AGBL1: variants seen among roughly 807,000 people sequenced by gnomAD.
The protein encoded by AGBL1 is AGBL carboxypeptidase 1.
Under a neutral mutation model 118.9 loss-of-function variants are expected in AGBL1, and 130 were observed. The observed-to-expected ratio is 1.09, with a 90% confidence interval of 0.95 to 1.26. The LOEUF (loss-of-function observed/expected upper bound fraction) is 1.26, where lower values mean the gene tolerates loss of function less well. AGBL1 is among the 50% of genes most tolerant of loss of function. The pLI is 0.00. For synonymous variants in AGBL1, 555 were observed against 478.9 expected (o/e 1.16, Z -2.08); for missense variants, 1,584 against 1,298.1 (o/e 1.22, Z -3.38).
chr15:86,624,795 G>T (rs1220560551), intron 21 of AGBL1, among the ~76,000 whole-genome samples: 2 of 152,148 alleles, frequency 1.3e-5, no homozygotes, highest in East Asian at 3.9e-4. Context: ...AACTCAGGAG[G>T]GAGACAAGGT....
In AGBL1 at chr15:86,613,805, C is replaced by G. The variant is rs1471986448; in HGVS notation, c.2994+59268C>G. Among the ~76,000 whole-genome samples the G allele has an allele frequency of 2.0e-5, 3 of 152,176 alleles. No homozygotes were observed. The highest frequency in any genetic ancestry group is 2.9e-5 in the Non-Finnish European group (2 of 68,036). On this transcript the variant is annotated intron_variant, in intron 21 of 22. Coordinates refer to ENST00000614907, the MANE Select transcript of AGBL1 (RefSeq NM_001386094.1). This position sits in a 1 kb window ranked among gnomAD's most constrained non-coding sequence, Gnocchi z 4.2. The stretch of plus-strand genomic sequence containing the variant: ...AATTTCAGACCCCATCCCAGACCTA[C>G]TGAATTAGAATATGTAGCATAGTAA...
At chr15:86,147,284 G>A (rs780276894) in intron 3 of AGBL1, among the ~76,000 whole-genome samples, 3 of 152,206 alleles carry the variant, frequency 2.0e-5, no homozygotes, top group East Asian at 3.9e-4. Context: ...GCAGCCCATG[G>A]AGGGCAAGCT....
At chr15:86,178,830 T>C (rs2077516614) in intron 5 of AGBL1, among the ~76,000 whole-genome samples, 1 of 152,188 alleles carries the variant, frequency 6.6e-6, no homozygotes, top group Non-Finnish European at 1.5e-5. Context: ...ATTCATACAA[T>C]GGAATTTTAT....
intron 21 of AGBL1, among the ~76,000 whole-genome samples, chr15:86,591,119 A>G (rs988659935): frequency 6.6e-6 from 1 of 152,162 alleles, no homozygotes; most frequent in Admixed American, 6.5e-5. Context: ...TTGACGCTTA[A>G]AGGTGTCCCT....
chr15:86,210,235 G>T (rs1166670274), intron 5 of AGBL1, among the ~76,000 whole-genome samples: 8 of 152,076 alleles, frequency 5.3e-5, no homozygotes, highest in Admixed American at 5.2e-4. Context: ...TTTCTCTCTG[G>T]CTGCCCTTAA....
chr15:86,316,031 A>C (rs1489077586), intron 17 of AGBL1, among the ~76,000 whole-genome samples: 4 of 152,232 alleles, frequency 2.6e-5, no homozygotes, highest in Non-Finnish European at 2.9e-5. Context: ...GCACTATCTC[A>C]TTCATTTTAT....
intron 22 of AGBL1, among the ~76,000 whole-genome samples, chr15:86,749,300 T>G (rs2077809575): frequency 6.6e-6 from 1 of 152,002 alleles, no homozygotes; most frequent in Non-Finnish European, 1.5e-5. Context: ...CTCATGATTT[T>G]GCTCTCTGTT....
At chr15:86,663,201 C>G (rs1016798980) in intron 21 of AGBL1, among the ~76,000 whole-genome samples, 1 of 152,182 alleles carries the variant, frequency 6.6e-6, no homozygotes, top group African/African-American at 2.4e-5. Flanking sequence ...ACATGATCCA[C>G]CAGGACCTTA....
chr15:86,643,416 C>T (rs1269852055), intron 21 of AGBL1, among the ~76,000 whole-genome samples: 1 of 152,028 alleles, frequency 6.6e-6, no homozygotes, highest in Non-Finnish European at 1.5e-5. Flanking sequence ...TCCTATATGC[C>T]CCTATATTTG....
At position 86,823,200 on chromosome 15, in the gene AGBL1, ACT is replaced by A. The variant is rs569560204; in HGVS notation, c.3159-83884_3159-83883del. On this transcript the variant is annotated intron_variant, in intron 22 of 22. Transcript: ENST00000614907. ...ATACAGTACTGAAAATCAGGCACAG[ACT>A]CTATTGTAATGGAGCTGCTAATGGA... 5.3e-5 allele frequency among the ~76,000 whole-genome samples: 8 copies of A among 151,240 alleles called. No homozygotes were observed. In the South Asian group the frequency reaches 1.7e-3, roughly 32 times the overall value.
intron 5 of AGBL1, among the ~76,000 whole-genome samples, chr15:86,209,119 T>C (rs548323682): frequency 2.0e-5 from 3 of 152,124 alleles, no homozygotes; most frequent in African/African-American, 7.2e-5. Flanking sequence ...CATGGAGTTG[T>C]GTGGTTTTGA....
At chr15:86,895,402 T>C (rs1040763746) in intron 22 of AGBL1, among the ~76,000 whole-genome samples, 2 of 151,854 alleles carry the variant, frequency 1.3e-5, no homozygotes, top group Admixed American at 6.6e-5. Flanking sequence ...GTTTAGTTTT[T>C]TTTTTTTTAA....
intron 17 of AGBL1, among the ~76,000 whole-genome samples, chr15:86,373,039 G>T (rs141087992): frequency 1.3e-5 from 2 of 152,046 alleles, no homozygotes; most frequent in African/African-American, 4.8e-5. Context: ...TTTCTGGCAC[G>T]TAATGAAATG....
chr15:86,099,464 T>A (rs984804962), intron 1 of AGBL1, among the ~76,000 whole-genome samples: 1 of 152,148 alleles, frequency 6.6e-6, no homozygotes, highest in Non-Finnish European at 1.5e-5. Flanking sequence ...TGGTGGAGTT[T>A]TTTGGCTTTT....
chr15:86,499,768 C>T (rs1440696756), intron 18 of AGBL1, among the ~76,000 whole-genome samples: 3 of 151,836 alleles, frequency 2.0e-5, no homozygotes, highest in African/African-American at 7.3e-5. Flanking sequence ...AATCATTATG[C>T]CATCTTAAAC....
Position 86,932,156 on chromosome 15 carries a change from C to T in AGBL1, c.3222-55831C>T, listed in dbSNP as rs563900229. ...AGACAGGACTCAAACCCAGGTTTCCCAAGACCTAACACAAGACTCCTTCCA... is the reference window on the plus strand; with the variant it reads ...AGACAGGACTCAAACCCAGGTTTCCTAAGACCTAACACAAGACTCCTTCCA... On this transcript the variant is annotated intron_variant, in intron 23 of 24. Transcript: ENST00000441037. Among the ~76,000 whole-genome samples, 24 of 152,288 alleles carry T rather than the reference C, an allele frequency of 1.6e-4. No individual in the cohort carries two copies. The South Asian group carries it at 4.8e-3, about 30-fold the overall frequency.
chr15:86,155,318 C>A (rs2141693732), intron 4 of AGBL1, among the ~76,000 whole-genome samples: 1 of 152,216 alleles, frequency 6.6e-6, no homozygotes, highest in African/African-American at 2.4e-5. Context: ...GGCATGGTGG[C>A]ATGTGCCTAT....
intron 1 of AGBL1, among the ~76,000 whole-genome samples, chr15:86,119,704 T>A (rs1300793448): frequency 6.6e-6 from 1 of 151,990 alleles, no homozygotes; most frequent in Non-Finnish European, 1.5e-5. Context: ...TTTGCACGTT[T>A]GTCTGTATGT....
intron 22 of AGBL1, among the ~76,000 whole-genome samples, chr15:86,677,415 C>T (rs2085868000): frequency 6.6e-6 from 1 of 152,134 alleles, no homozygotes; most frequent in Admixed American, 6.6e-5. Flanking sequence ...TTTCTCCTTC[C>T]TCTCAATCTT....
Sources: gnomAD v4.1 joint callset for allele counts (sites outside exome capture counted in the v4.1 genomes callset) on GRCh38, gnomAD v4.1.1 for gene constraint, Gnocchi (gnomAD v3.1) non-coding constraint, MANE v1.5 for transcripts, NCBI Gene and HGNC (gene_info 2026-07-23, HGNC 2026-07-21) for gene names.